Variants in PCDHGA12 observed in about 807,000 individuals in gnomAD.
PCDHGA12 encodes protocadherin gamma subfamily A, 12.
PCDHGA12 carries 43 observed loss-of-function variants against 61.1 expected under a neutral mutation model. The ratio of observed to expected loss-of-function variants is 0.70; its 90% confidence interval spans 0.55 to 0.91. The LOEUF (loss-of-function observed/expected upper bound fraction) is 0.91, where lower values mean the gene tolerates loss of function less well. Among genes scored for constraint, PCDHGA12 ranks in the 40% least tolerant of loss-of-function variants. The probability of loss-of-function intolerance (pLI) is 0.00; values close to 1 mark genes in which losing one functional copy is unlikely to be tolerated. For synonymous variants in PCDHGA12, 520 were observed against 542.9 expected, an observed-to-expected ratio of 0.96 and a Z score of 0.59; for missense variants, 1,236 against 1,227.7, an observed-to-expected ratio of 1.01 and a Z score of -0.10.
chr5:141,433,641 G>T (rs1177387884), intron 1 of PCDHGA12, among the ~76,000 whole-genome samples: 1 of 152,104 alleles, frequency 6.6e-6, no homozygotes, highest in Admixed American at 6.5e-5. Flanking sequence ...TTTGAGACCA[G>T]CCTGACCAAC....
rs543116266 is a variant in PCDHGA12 at position 141,474,428 on chromosome 5, C to A, written c.2425-20379C>A. 3.9e-5 allele frequency among the ~76,000 whole-genome samples: 6 copies of A among 152,346 alleles called. 1 individual carries two copies. In the South Asian group the frequency reaches 1.0e-3, roughly 26 times the overall value. On this transcript the variant is annotated intron_variant, in intron 1 of 3. Coordinates refer to ENST00000252085, the MANE Select transcript of PCDHGA12 (RefSeq NM_003735.3). ...CGGTGATGCCTAGACCATTGGTCCT[C>A]ACACTTTGAGTAGCAAGTGATTGGG...
At chr5:141,454,970 G>A (rs2098808431) in intron 1 of PCDHGA12, among the ~76,000 whole-genome samples, 2 of 151,444 alleles carry the variant, frequency 1.3e-5, no homozygotes, top group African/African-American at 4.9e-5. Context: ...ACCACGCCTG[G>A]CTAATTTTTT....
intron 1 of PCDHGA12, chr5:141,478,367 C>T (rs2099451272): frequency 1.2e-6 from 2 of 1,613,750 alleles, no homozygotes; most frequent in South Asian, 2.2e-5. Context: ...GCGGGGAGGC[C>T]TGATGTCGCC....
Position 141,490,345 on chromosome 5 carries a change from G to C in PCDHGA12, c.2425-4462G>C, listed in dbSNP as rs2099698831. On this transcript the variant is annotated intron_variant, in intron 1 of 3. Coordinates refer to ENST00000252085, the MANE Select transcript of PCDHGA12 (RefSeq NM_003735.3). This position sits in a 1 kb window ranked among gnomAD's most constrained non-coding sequence, Gnocchi z 5.4. ...AGAGAGCACACCAGTGGGCACAGTA[G>C]TGGGGTTGTTTAATGTGCGAGACCG... is the stretch of plus-strand genomic sequence containing the variant. 1 of 1,614,216 alleles carries C rather than the reference G, an allele frequency of 6.2e-7. No homozygotes were observed. Among genetic ancestry groups the C allele is most frequent in the Non-Finnish European group, 8.5e-7 (1 of 1,180,034 alleles).
chr5:141,510,582 A>G (rs1156375287), intron 3 of PCDHGA12, among the ~76,000 whole-genome samples: 2 of 152,166 alleles, frequency 1.3e-5, no homozygotes, highest in Non-Finnish European at 2.9e-5. Context: ...TATTTTACGT[A>G]CCTGACATAC....
chr5:141,489,431 T>C lies in PCDHGA12; in HGVS notation c.2425-5376T>C. 6.2e-7 allele frequency: 1 copy of C among 1,614,132 alleles called. No individual in the cohort carries two copies. Among genetic ancestry groups the C allele is most frequent in the Non-Finnish European group, 8.5e-7 (1 of 1,180,024 alleles). On this transcript the variant is annotated intron_variant, in intron 1 of 3. Transcript: ENST00000252085. This position sits in a 1 kb window ranked among gnomAD's most constrained non-coding sequence, Gnocchi z 4.5. ...ATGACAGATCTGTTGAGCCGGCGGC[T>C]GCAATTGGGCTCTGAGGAGAATGGG...
chr5:141,476,897 A>G lies in PCDHGA12; in HGVS notation c.2425-17910A>G. ...CGTCCTGGAGGATGCACCCTCCGGC[A>G]CGCGCGTGGTACAAGTCCTTGCAAC... On this transcript the variant is annotated intron_variant, in intron 1 of 3. Coordinates refer to ENST00000252085, the MANE Select transcript of PCDHGA12 (RefSeq NM_003735.3). The surrounding 1 kb of genome is among the most constrained non-coding windows in gnomAD (Gnocchi z 7.6). 1 of 1,613,938 alleles carries G rather than the reference A, an allele frequency of 6.2e-7. No individual in the cohort carries two copies. Among genetic ancestry groups the G allele is most frequent in the Non-Finnish European group, 8.5e-7 (1 of 1,180,012 alleles).
intron 1 of PCDHGA12, among the ~76,000 whole-genome samples, chr5:141,460,888 C>T (rs530320189): frequency 1.3e-5 from 2 of 149,792 alleles, no homozygotes; most frequent in East Asian, 2.0e-4. Context: ...CATGCCTTTT[C>T]GTGGCTGAGT....
At chr5:141,453,969 A>T (rs543979166) in intron 1 of PCDHGA12, among the ~76,000 whole-genome samples, 13 of 152,356 alleles carry the variant, frequency 8.5e-5, no homozygotes, top group South Asian at 2.1e-4. Flanking sequence ...CAAAGCATGT[A>T]GTTGTGTTGC....
intron 1 of PCDHGA12, among the ~76,000 whole-genome samples, chr5:141,480,704 G>A (rs545986902): frequency 8.5e-5 from 13 of 152,206 alleles, no homozygotes; most frequent in East Asian, 5.8e-4. Flanking sequence ...GCCACACCCC[G>A]ACAAATGAAA....
intron 1 of PCDHGA12, among the ~76,000 whole-genome samples, chr5:141,454,172 CAGCTAAAGG>C (rs1351117555): frequency 6.6e-6 from 1 of 152,126 alleles, no homozygotes; most frequent in Admixed American, 6.5e-5. Context: ...TCTAGAAGGG[CAGCTAAAGG>C]AGCTTAGTGA....
intron 1 of PCDHGA12, chr5:141,475,832 T>C: frequency 2.4e-6 from 1 of 410,610 alleles, no homozygotes; most frequent in Non-Finnish European, 4.4e-6. Flanking sequence ...CTAGCGCGTG[T>C]CCTGCTCAGA....
In PCDHGA12 at chr5:141,511,406, G is replaced by C; in HGVS notation, c.*233G>C. The C allele has an allele frequency of 1.1e-6, 1 of 942,018 alleles. No individual in the cohort carries two copies. The highest frequency in any genetic ancestry group is 1.7e-5 in the African/African-American group (1 of 60,280). The allele number at this position is 942,018 out of a possible 1,614,324, so 58.4% of individuals were successfully genotyped here. ...GCTGGGAACCCCCATCCAATCAACT[G>C]CTGTACCCATGGGGGTAGTGGGGTT... On this transcript the variant is annotated 3_prime_UTR_variant, in exon 4 of 4. Coordinates refer to ENST00000252085, the MANE Select transcript of PCDHGA12 (RefSeq NM_003735.3).
At chr5:141,462,020 T>G (rs1371390043) in intron 1 of PCDHGA12, among the ~76,000 whole-genome samples, 6 of 152,110 alleles carry the variant, frequency 3.9e-5, no homozygotes, top group Non-Finnish European at 8.8e-5. Flanking sequence ...ACGGGGTTTC[T>G]TCATGTTGGT....
In PCDHGA12 at chr5:141,486,184, A is replaced by G. The variant is rs2099625756; in HGVS notation, c.2425-8623A>G. 8 of 1,614,014 alleles carry G rather than the reference A, an allele frequency of 5.0e-6. No homozygotes were observed. Among genetic ancestry groups the G allele is most frequent in the Non-Finnish European group, 6.8e-6 (8 of 1,180,026 alleles). On this transcript the variant is annotated intron_variant, in intron 1 of 3. Transcript: ENST00000252085. This position sits in a 1 kb window ranked among gnomAD's most constrained non-coding sequence, Gnocchi z 5.0. ...CCATGGAGCAACATTGCAGCCTTCG[A>G]GTGGATCTGCTGGACGTAAATGACA...
rs777314784 is a variant in PCDHGA12, at chr5:141,432,669, C to A, written c.1910C>A (p.Ala637Glu). The change falls in exon 1 of 4, where the codon GCG (alanine) becomes GAG (glutamate). Residue 637 changes from alanine (A) to glutamate (E), a missense_variant. Transcript: ENST00000252085. The surrounding 1 kb of genome is among the most constrained non-coding windows in gnomAD (Gnocchi z 6.0). ...RTARALLDRD[A>E]LKQSLVVAVQ... ...GCGCGAGCCCTGCTGGACAGAGACG[C>A]GCTCAAGCAGAGCCTCGTAGTGGCC... 1 of 1,613,894 alleles carries A rather than the reference C, an allele frequency of 6.2e-7. No homozygotes were observed. Among genetic ancestry groups the A allele is most frequent in the Non-Finnish European group, 8.5e-7 (1 of 1,179,950 alleles).
At chr5:141,453,420 C>A (rs2098764964) in intron 1 of PCDHGA12, among the ~76,000 whole-genome samples, 1 of 152,054 alleles carries the variant, frequency 6.6e-6, no homozygotes, top group African/African-American at 2.4e-5. Context: ...GCATAAGCCA[C>A]CACACCTAGC....
chr5:141,476,317 G>T lies in PCDHGA12; in HGVS notation c.2425-18490G>T, dbSNP rs759809060. ...GTAGCCTCTCAGCCCGCAGGTTCCG[G>T]GTGGTGTCTGGAGCTAGCCGAAGAT... On this transcript the variant is annotated intron_variant, in intron 1 of 3. Transcript: ENST00000252085. This position sits in a 1 kb window ranked among gnomAD's most constrained non-coding sequence, Gnocchi z 7.6. 1.9e-6 allele frequency: 3 copies of T among 1,614,170 alleles called. No individual in the cohort carries two copies. The highest frequency in any genetic ancestry group is 1.7e-5 in the Admixed American group (1 of 60,024).
At chr5:141,503,004 C>T (rs114294610) in intron 2 of PCDHGA12, among the ~76,000 whole-genome samples, 5,013 of 145,894 alleles carry the variant, frequency 0.034, 127 homozygotes, top group South Asian at 0.076. Context: ...CCACCATGCC[C>T]GGTTAATTTT....
Sources: gnomAD v4.1 joint callset for allele counts (sites outside exome capture counted in the v4.1 genomes callset) on GRCh38, gnomAD v4.1.1 for gene constraint, Gnocchi (gnomAD v3.1) non-coding constraint, MANE v1.5 for transcripts, NCBI Gene and HGNC (gene_info 2026-07-23, HGNC 2026-07-21) for gene names.